Variants in ARHGAP23 observed in about 807,000 individuals in gnomAD.
The protein encoded by ARHGAP23 is Rho GTPase activating protein 23.
ARHGAP23 carries 34 observed loss-of-function variants against 136.3 expected under a neutral mutation model. The observed-to-expected ratio is 0.25, with a 90% CI of 0.19 to 0.33. The LOEUF is 0.33. Among genes scored for constraint, ARHGAP23 ranks in the 10% least tolerant of loss-of-function variants. The pLI is 1.00. For missense variants in ARHGAP23, 1,808 were observed against 2,139.0 expected (o/e 0.85, Z 3.05); for synonymous variants, 832 against 920.5 (o/e 0.90, Z 1.74).
At position 38,510,224 on chromosome 17, in the gene ARHGAP23, C is replaced by T. The variant is rs765559660; in HGVS notation, c.3728C>T (p.Thr1243Met). 1.2e-5 allele frequency: 16 copies of T among 1,377,010 alleles called. No individual in the cohort carries two copies. Among genetic ancestry groups the T allele is most frequent in the Non-Finnish European group, 1.5e-5 (16 of 1,065,060 alleles). 85.3% of individuals were successfully genotyped at this position (1,377,010 alleles called of 1,614,324 possible). ...AAPEERPAADTRSIVSGYSTL... is the reference protein window; with the variant it reads ...AAPEERPAADMRSIVSGYSTL... Reference sequence around the variant, plus strand: ...CCGGAGGAGCGGCCGGCCGCGGACACGCGCTCCATTGTGTCGGGCTACTCC... The same window carrying T: ...CCGGAGGAGCGGCCGGCCGCGGACATGCGCTCCATTGTGTCGGGCTACTCC... Residue 1243 changes from threonine (T) to methionine (M), a missense_variant, in exon 24 of 24, where the codon ACG (threonine) becomes ATG (methionine). This residue lies in a region of ARHGAP23 where 506 missense variants were observed against 455.8 expected (regional missense o/e 1.11). Transcript: ENST00000622683. The surrounding 1 kb of genome is among the most constrained non-coding windows in gnomAD (Gnocchi z 4.6).
chr17:38,459,648 C>T (rs1338147021), intron 2 of ARHGAP23, among the ~76,000 whole-genome samples: 1 of 152,238 alleles, frequency 6.6e-6, no homozygotes, highest in African/African-American at 2.4e-5. Flanking sequence ...GACCTAGGGC[C>T]AGGCAAGCCA....
rs2039506162 is a variant in ARHGAP23 at position 38,463,318 on chromosome 17, G to A, written c.429-10G>A. On this transcript the variant is annotated splice_polypyrimidine_tract_variant and intron_variant, in intron 5 of 23. Transcript: ENST00000622683. ...CTTGACCCAGCCTGACGTTCTGCCT[G>A]TCTCTGTAGTGATGACACTCTGGAG... 3 of 1,551,686 alleles carry A rather than the reference G, an allele frequency of 1.9e-6. No individual in the cohort carries two copies. Among genetic ancestry groups the A allele is most frequent in the East Asian group, 4.9e-5 (2 of 40,912 alleles).
chr17:38,472,542 G>T (rs1026536185), intron 11 of ARHGAP23, among the ~76,000 whole-genome samples: 1 of 151,838 alleles, frequency 6.6e-6, no homozygotes, highest in African/African-American at 2.4e-5. Context: ...CCACCGTGGA[G>T]ATCCAGATGA....
intron 2 of ARHGAP23, among the ~76,000 whole-genome samples, chr17:38,460,697 T>C (rs1023814584): frequency 7.9e-5 from 12 of 152,316 alleles, no homozygotes; most frequent in African/African-American, 2.9e-4. Flanking sequence ...GGTTAGGGTG[T>C]TGAGGCGATG....
At chr17:38,482,982 G>A (rs1238311280) in intron 16 of ARHGAP23, among the ~76,000 whole-genome samples, 3 of 152,182 alleles carry the variant, frequency 2.0e-5, no homozygotes, top group South Asian at 2.1e-4. Context: ...ACCAAAGGCC[G>A]GTGAAAGCCA....
intron 23 of ARHGAP23, among the ~76,000 whole-genome samples, chr17:38,504,978 C>CTTTTTTTTTTTTTTTTT (rs71138627): frequency 4.6e-5 from 2 of 43,168 alleles, no homozygotes; most frequent in Non-Finnish European, 9.9e-5. Context: ...CCCTTATCAT[C>CTTTTTTTTTTTTTTTTT]TTTTTTTTTT....
At chr17:38,460,808 G>T in intron 2 of ARHGAP23, 97 bp from the exon 3 acceptor site, 5 of 1,535,102 alleles carry the variant, frequency 3.3e-6, no homozygotes, top group Non-Finnish European at 4.4e-6. Context: ...GATAAGGGGT[G>T]GCGGGAACCT....
At chr17:38,445,184 C>T (rs972259857) in intron 1 of ARHGAP23, among the ~76,000 whole-genome samples, 2 of 150,740 alleles carry the variant, frequency 1.3e-5, no homozygotes, top group Non-Finnish European at 3.0e-5. Flanking sequence ...ATATATAATA[C>T]GGCCGGGTGC....
chr17:38,478,562 A>G (rs1421358807), intron 12 of ARHGAP23, among the ~76,000 whole-genome samples: 5 of 151,984 alleles, frequency 3.3e-5, no homozygotes, highest in Admixed American at 2.0e-4. Context: ...CTATAGGCGC[A>G]TGCCACCATG....
In ARHGAP23 at chr17:38,469,274, C is replaced by T. The variant is rs912533758; in HGVS notation, c.1779C>T (p.Leu593=). The part of the protein sequence containing the change: ...SPSSPTFTFT[L]GRHYSQDCSS... ...CTTCCCCGACCTTCACTTTCACCCT[C>T]GGACGCCATTACTCGCAGGACTGCA... Residue 593 remains leucine, a synonymous_variant, in exon 8 of 24, where the codon CTC becomes CTT. Coordinates refer to ENST00000622683, the MANE Select transcript of ARHGAP23 (RefSeq NM_001199417.2). 44 of 1,551,334 alleles carry T rather than the reference C, an allele frequency of 2.8e-5. No homozygotes were observed. Among genetic ancestry groups the T allele is most frequent in the African/African-American group, 4.1e-5 (3 of 73,032 alleles).
chr17:38,437,630 CA>C (rs532649993), intron 1 of ARHGAP23, among the ~76,000 whole-genome samples: 4 of 142,640 alleles, frequency 2.8e-5, no homozygotes, highest in Admixed American at 7.0e-5. Context: ...CTACCCCCCC[CA>C]AAAAATATTA....
chr17:38,462,912 G>A lies in ARHGAP23; in HGVS notation c.320G>A (p.Gly107Asp). Residue 107 changes from glycine (G) to aspartate (D), a missense_variant, in exon 4 of 24, where the codon GGC becomes GAC. By Grantham distance (94) the Gly-to-Asp change is moderately conservative. Around this residue, in one of 7 missense-constraint regions of ARHGAP23, gnomAD observed 859 missense variants for 936.4 expected, o/e 0.92. Coordinates refer to ENST00000622683, the MANE Select transcript of ARHGAP23 (RefSeq NM_001199417.2). Reference sequence around the variant, plus strand: ...TTTGTCAAGAATGTGAAGGAAGACGGCCCTGCCCATAGGGCGGGGCTTCGC... The same window carrying A: ...TTTGTCAAGAATGTGAAGGAAGACGACCCTGCCCATAGGGCGGGGCTTCGC... The part of the protein sequence containing the change: ...TIFVKNVKED[G>D]PAHRAGLRTG... 6.5e-7 allele frequency: 1 copy of A among 1,539,690 alleles called. No individual in the cohort carries two copies. Among genetic ancestry groups the A allele is most frequent in the Non-Finnish European group, 8.7e-7 (1 of 1,143,766 alleles).
chr17:38,441,756 G>A (rs1416669648), intron 1 of ARHGAP23, among the ~76,000 whole-genome samples: 1 of 152,200 alleles, frequency 6.6e-6, no homozygotes, highest in East Asian at 1.9e-4. Context: ...GGGACGGGGA[G>A]GGGGCAGGCA....
chr17:38,496,203 C>G (rs2040388292), intron 20 of ARHGAP23, among the ~76,000 whole-genome samples: 1 of 152,170 alleles, frequency 6.6e-6, no homozygotes, highest in South Asian at 2.1e-4. Flanking sequence ...GGGCCTGTCA[C>G]TATCAATTTC....
At position 38,477,634 on chromosome 17, in the gene ARHGAP23, G is replaced by C. The variant is rs2039926198; in HGVS notation, c.2174G>C (p.Arg725Pro). Residue 725 changes from arginine to proline, a missense_variant, in exon 12 of 24, where the codon CGC (arginine) becomes CCC (proline). Physicochemically the swap from Arg to Pro is moderately radical, Grantham distance 103. Around this residue, in one of 7 missense-constraint regions of ARHGAP23, gnomAD observed 139 missense variants for 264.3 expected, o/e 0.53. Coordinates refer to ENST00000622683, the MANE Select transcript of ARHGAP23 (RefSeq NM_001199417.2). The surrounding 1 kb of genome is among the most constrained non-coding windows in gnomAD (Gnocchi z 6.6). ...CGGGTGTACGCCGCGCTGCGGGCGC[G>C]CTCGCTCTCGCTGAGCAAGGAGCGG... ...WKRVYAALRA[R>P]SLSLSKERRE... The C allele has an allele frequency of 1.6e-6, 2 of 1,270,990 alleles. No homozygotes were observed. Among genetic ancestry groups the C allele is most frequent in the Admixed American group, 4.3e-5 (1 of 23,496 alleles). 78.7% of individuals were successfully genotyped at this position (1,270,990 alleles called of 1,614,324 possible). A position where few individuals can be genotyped will look rare whatever the true frequency, so the allele number is the denominator to read the frequency against.
intron 1 of ARHGAP23, among the ~76,000 whole-genome samples, chr17:38,455,203 TG>T (rs1245419855): frequency 6.6e-6 from 1 of 152,142 alleles, no homozygotes. Context: ...TATTATAGCA[TG>T]AAGGATTGAG....
chr17:38,472,085 T>C, intron 11 of ARHGAP23, 79 bp downstream of exon 11: 1 of 1,331,042 alleles, frequency 7.5e-7, no homozygotes, highest in Non-Finnish European at 1.0e-6. Context: ...CCTGACAGCC[T>C]CTGGAGCCAG....
chr17:38,449,812 G>A (rs1309383223), intron 1 of ARHGAP23, among the ~76,000 whole-genome samples: 5 of 152,178 alleles, frequency 3.3e-5, no homozygotes, highest in African/African-American at 9.7e-5. Context: ...GCAGTTTGGG[G>A]CCCACATTCT....
intron 23 of ARHGAP23, among the ~76,000 whole-genome samples, chr17:38,508,930 T>C (rs2040692979): frequency 6.6e-6 from 1 of 151,412 alleles, no homozygotes. Flanking sequence ...GAGGCCTGGA[T>C]AGCAGCGCTG....
Sources: allele counts gnomAD v4.1 joint callset (sites outside exome capture counted in the v4.1 genomes callset), GRCh38; gene constraint gnomAD v4.1.1; regional missense constraint gnomAD v4.1.1; non-coding constraint Gnocchi (gnomAD v3.1); transcripts MANE v1.5; gene names NCBI Gene and HGNC (gene_info 2026-07-23, HGNC 2026-07-21).